NELL1: variants seen among roughly 807,000 people sequenced by gnomAD.
NELL1 encodes protein kinase C-binding protein NELL1.
NELL1 carries 76 observed loss-of-function variants against 107.4 expected under a neutral mutation model. The ratio of observed to expected loss-of-function variants is 0.71; its 90% CI spans 0.59 to 0.86. The LOEUF (loss-of-function observed/expected upper bound fraction) is 0.86. NELL1 is among the 40% of genes least tolerant of loss of function. The pLI is 0.00. For synonymous variants in NELL1, 353 were observed against 341.2 expected (o/e 1.03, Z -0.38); for missense variants, 1,024 against 1,005.5 (o/e 1.02, Z -0.25).
intron 12 of NELL1, among the ~76,000 whole-genome samples, chr11:21,075,023 G>A (rs968494026): frequency 2.0e-5 from 3 of 152,156 alleles, no homozygotes; most frequent in South Asian, 2.1e-4. Context: ...TCATTTGACC[G>A]ACTAGATGGA....
intron 4 of NELL1, among the ~76,000 whole-genome samples, chr11:20,863,623 A>T (rs1849034579): frequency 7.0e-6 from 1 of 143,866 alleles, no homozygotes; most frequent in Admixed American, 7.0e-5. Context: ...CACCTCCCAG[A>T]CTGGGCAGCC....
At chr11:21,331,574 T>C (rs555279504) in intron 14 of NELL1, among the ~76,000 whole-genome samples, 2 of 152,218 alleles carry the variant, frequency 1.3e-5, no homozygotes, top group South Asian at 4.1e-4. Context: ...TGCCTGACTC[T>C]ACTGGTAATA....
chr11:21,078,076 AT>A (rs1854183509), intron 12 of NELL1, among the ~76,000 whole-genome samples: 1 of 152,088 alleles, frequency 6.6e-6, no homozygotes, highest in African/African-American at 2.4e-5. Flanking sequence ...TTCAAAGATA[AT>A]TTTTTTCAAG....
chr11:21,170,659 A>G (rs1266346809), intron 13 of NELL1, among the ~76,000 whole-genome samples: 1 of 147,188 alleles, frequency 6.8e-6, no homozygotes, highest in Non-Finnish European at 1.5e-5. Flanking sequence ...TCCAGTATAT[A>G]TATATACTGT....
At chr11:20,996,732 T>G (rs1224234505) in intron 12 of NELL1, among the ~76,000 whole-genome samples, 2 of 152,228 alleles carry the variant, frequency 1.3e-5, no homozygotes. Flanking sequence ...GAGGCTCTCC[T>G]TCTAGACTTC....
At chr11:21,352,438 A>AT (rs1196671508) in intron 14 of NELL1, among the ~76,000 whole-genome samples, 5 of 151,948 alleles carry the variant, frequency 3.3e-5, no homozygotes, top group South Asian at 2.1e-4. Flanking sequence ...TACATAGAAG[A>AT]TTTTTTTTAA....
chr11:20,748,911 CCCATCCAT>C (rs71063663), intron 2 of NELL1, among the ~76,000 whole-genome samples: 1,622 of 144,014 alleles, frequency 0.011, 33 homozygotes, highest in African/African-American at 0.04. Context: ...CACCCAGCCA[CCCATCCAT>C]CCATCCATCC....
chr11:20,913,043 G>A (rs75691360), intron 5 of NELL1, among the ~76,000 whole-genome samples: 3,948 of 152,140 alleles, frequency 0.026, 184 homozygotes, highest in African/African-American at 0.09. Context: ...CTTTCTTGGC[G>A]GTTTTGCATG....
chr11:20,803,186 T>C (rs1037574765), intron 3 of NELL1, among the ~76,000 whole-genome samples: 2 of 152,142 alleles, frequency 1.3e-5, no homozygotes, highest in African/African-American at 4.8e-5. Context: ...AGTGAAGCCA[T>C]TGGATCCTGG....
At chr11:21,503,493 G>A (rs992710926) in intron 15 of NELL1, among the ~76,000 whole-genome samples, 2 of 152,104 alleles carry the variant, frequency 1.3e-5, no homozygotes, top group Admixed American at 1.3e-4. Context: ...TTTTTCTTGG[G>A]CAAGTTCTCC....
At chr11:20,967,731 C>A (rs61883264) in intron 12 of NELL1, among the ~76,000 whole-genome samples, 5,645 of 152,260 alleles carry the variant, frequency 0.037, 122 homozygotes, top group East Asian at 0.081. Flanking sequence ...CACTCTTGCC[C>A]ACCATAGTCC....
chr11:21,024,270 T>C (rs184121617), intron 12 of NELL1, among the ~76,000 whole-genome samples: 6 of 152,276 alleles, frequency 3.9e-5, no homozygotes, highest in Admixed American at 3.9e-4. Flanking sequence ...ATTGATTTAC[T>C]TAAAATCAAG....
chr11:21,013,963 T>A (rs1446863914), intron 12 of NELL1, among the ~76,000 whole-genome samples: 1 of 152,108 alleles, frequency 6.6e-6, no homozygotes, highest in Non-Finnish European at 1.5e-5. Context: ...TTTGTCTGAT[T>A]TTTTTCTTAT....
intron 15 of NELL1, among the ~76,000 whole-genome samples, chr11:21,434,008 A>G (rs1375558484): frequency 6.6e-6 from 1 of 151,872 alleles, no homozygotes; most frequent in Non-Finnish European, 1.5e-5. Context: ...AAACATGTTT[A>G]CTCAAATCAT....
chr11:20,694,613 T>C (rs1590211127), intron 2 of NELL1, among the ~76,000 whole-genome samples: 1 of 152,070 alleles, frequency 6.6e-6, no homozygotes, highest in Non-Finnish European at 1.5e-5. Context: ...TATTCTGTTC[T>C]ATTGGTCTAT....
At chr11:21,202,748 C>A (rs57473940) in intron 13 of NELL1, among the ~76,000 whole-genome samples, 1,525 of 152,202 alleles carry the variant, frequency 0.01, 19 homozygotes, top group African/African-American at 0.035. Context: ...TCCTGCTTTA[C>A]CTTGTGGGCA....
At chr11:21,011,039 C>A (rs1348724626) in intron 12 of NELL1, among the ~76,000 whole-genome samples, 2 of 152,076 alleles carry the variant, frequency 1.3e-5, no homozygotes. Context: ...TCCTGGTTTC[C>A]TCAGTCAAAC....
intron 12 of NELL1, among the ~76,000 whole-genome samples, chr11:20,962,055 C>G (rs994675657): frequency 4.0e-5 from 6 of 151,658 alleles, no homozygotes; most frequent in African/African-American, 1.5e-4. Flanking sequence ...ATTTTGTCTT[C>G]TTATTTTTCA....
At chr11:21,099,592 G>T (rs1854753343) in intron 12 of NELL1, among the ~76,000 whole-genome samples, 1 of 152,164 alleles carries the variant, frequency 6.6e-6, no homozygotes, top group Non-Finnish European at 1.5e-5. Flanking sequence ...AGAGGCAGCA[G>T]CTTGAGACAT....
Sources: allele counts gnomAD v4.1 joint callset (sites outside exome capture counted in the v4.1 genomes callset), GRCh38; gene constraint gnomAD v4.1.1; transcripts MANE v1.5; gene names NCBI Gene and HGNC (gene_info 2026-07-23, HGNC 2026-07-21).